RBFOX3: variants seen among roughly 807,000 people sequenced by gnomAD.
The protein encoded by RBFOX3 is RNA binding fox-1 homolog 3.
Under a neutral mutation model 48.7 loss-of-function variants are expected in RBFOX3, and 17 were observed. The observed-to-expected ratio is 0.35, with a 90% CI of 0.24 to 0.52. The LOEUF (loss-of-function observed/expected upper bound fraction) is 0.52. Ranked by LOEUF, RBFOX3 falls within the 20% of genes least tolerant of loss-of-function variation. The pLI is 0.94. For missense variants in RBFOX3, 382 were observed against 497.5 expected (o/e 0.77, Z 2.21); for synonymous variants, 212 against 209.5 (o/e 1.01, Z -0.10).
chr17:79,559,752 G>C (rs2092073842), intron 1 of RBFOX3, among the ~76,000 whole-genome samples: 1 of 148,434 alleles, frequency 6.7e-6, no homozygotes, highest in Non-Finnish European at 1.5e-5. Flanking sequence ...TGGGTAGATG[G>C]ATGGATGGGT....
intron 2 of RBFOX3, among the ~76,000 whole-genome samples, chr17:79,449,693 G>A (rs1329181985): frequency 6.8e-6 from 1 of 147,128 alleles, no homozygotes; most frequent in Non-Finnish European, 1.5e-5. Context: ...CATCTCTGCT[G>A]GTGGACGTTA....
At chr17:79,165,568 G>C (rs1264442461) in intron 4 of RBFOX3, among the ~76,000 whole-genome samples, 1 of 152,224 alleles carries the variant, frequency 6.6e-6, no homozygotes, top group Non-Finnish European at 1.5e-5. Flanking sequence ...GTGACGGGAT[G>C]AACTTTTAAA....
At chr17:79,388,937 C>T (rs1002126559) in intron 2 of RBFOX3, among the ~76,000 whole-genome samples, 2 of 152,242 alleles carry the variant, frequency 1.3e-5, no homozygotes, top group African/African-American at 4.8e-5. Context: ...GCCGCCAAGC[C>T]CTCCAATCCT....
intron 4 of RBFOX3, among the ~76,000 whole-genome samples, chr17:79,213,149 G>A (rs528486195): frequency 1.5e-3 from 221 of 152,278 alleles, no homozygotes; most frequent in African/African-American, 4.8e-3. Flanking sequence ...GAGCTACCAC[G>A]CCCAGCCTGG....
At chr17:79,525,051 G>C (rs1484462746) in intron 1 of RBFOX3, among the ~76,000 whole-genome samples, 1 of 152,174 alleles carries the variant, frequency 6.6e-6, no homozygotes, top group East Asian at 1.9e-4. Context: ...TGCCCTCAAG[G>C]GCTCTGGCAT....
intron 4 of RBFOX3, among the ~76,000 whole-genome samples, chr17:79,196,448 G>A (rs1442790653): frequency 1.3e-5 from 2 of 152,218 alleles, no homozygotes; most frequent in Admixed American, 6.5e-5. Context: ...ACCTCTCTCA[G>A]TATCGCATTC....
Position 79,415,091 on chromosome 17 carries a change from C to T in RBFOX3, c.-175+67363G>A, listed in dbSNP as rs572184959. Among the ~76,000 whole-genome samples, 12 of 152,274 alleles carry T rather than the reference C, an allele frequency of 7.9e-5. No individual in the cohort carries two copies. The East Asian group carries it at 9.7e-4, about 12-fold the overall frequency. ...GGGCCACCAGGCTGCAATTTCATCA[C>T]GGGGTTCTGAGTCTGGGGAGTTCAA... On this transcript the variant is annotated intron_variant, in intron 2 of 14. Transcript: ENST00000693108.
At chr17:79,202,879 C>T (rs566727557) in intron 4 of RBFOX3, among the ~76,000 whole-genome samples, 8 of 152,314 alleles carry the variant, frequency 5.3e-5, no homozygotes, top group East Asian at 3.9e-4. Context: ...CTTGGCTGGA[C>T]GGGGAGAGGA....
the RBFOX3 span, among the ~76,000 whole-genome samples, chr17:79,623,886 G>T: frequency 6.6e-6 from 1 of 151,482 alleles, no homozygotes; most frequent in African/African-American, 2.4e-5. Context: ...ATGTGATGAT[G>T]GAGGTGGGTC....
At chr17:79,386,150 T>C (rs544572560) in intron 2 of RBFOX3, among the ~76,000 whole-genome samples, 122 of 146,174 alleles carry the variant, frequency 8.3e-4, no homozygotes, top group Middle Eastern at 3.7e-3. Flanking sequence ...TCATCCTCCA[T>C]TGCAGACATG....
chr17:79,286,941 T>C (rs1303420194), intron 3 of RBFOX3, among the ~76,000 whole-genome samples: 1 of 152,166 alleles, frequency 6.6e-6, no homozygotes, highest in Non-Finnish European at 1.5e-5. Flanking sequence ...ATCCACCCTA[T>C]GTGCGTGTCA....
At chr17:79,135,686 C>A (rs2040026890) in intron 4 of RBFOX3, among the ~76,000 whole-genome samples, 1 of 152,208 alleles carries the variant, frequency 6.6e-6, no homozygotes. Context: ...CCTTGCCAAC[C>A]TTTCCCCAAA....
intron 2 of RBFOX3, among the ~76,000 whole-genome samples, chr17:79,366,621 G>A (rs554428518): frequency 3.3e-5 from 5 of 152,232 alleles, no homozygotes; most frequent in East Asian, 1.9e-4. Context: ...CCCTTCCATC[G>A]TGCACAGTCG....
intron 1 of RBFOX3, among the ~76,000 whole-genome samples, chr17:79,496,437 A>G (rs991825573): frequency 3.3e-5 from 5 of 152,166 alleles, no homozygotes; most frequent in African/African-American, 4.8e-5. Context: ...TCAGGGAAAT[A>G]ACTCAAAACC....
intron 1 of RBFOX3, among the ~76,000 whole-genome samples, chr17:79,536,733 G>GGT (rs1243207809): frequency 2.0e-5 from 3 of 152,254 alleles, no homozygotes; most frequent in South Asian, 2.1e-4. Context: ...CTGTTTGGCA[G>GGT]GTGTGTGTGT....
intron 1 of RBFOX3, among the ~76,000 whole-genome samples, chr17:79,545,952 G>A (rs1415022514): frequency 1.3e-5 from 2 of 152,182 alleles, no homozygotes; most frequent in East Asian, 1.9e-4. Flanking sequence ...GTGTGTGCAC[G>A]TGTGTGCGTG....
chr17:79,436,716 G>T (rs958722531), intron 2 of RBFOX3, among the ~76,000 whole-genome samples: 1 of 152,170 alleles, frequency 6.6e-6, no homozygotes, highest in Admixed American at 6.5e-5. Flanking sequence ...AAAGAAGAAA[G>T]CTCAGGACCT....
intron 3 of RBFOX3, among the ~76,000 whole-genome samples, chr17:79,251,857 A>G (rs1228015687): frequency 6.6e-6 from 1 of 152,064 alleles, no homozygotes; most frequent in Non-Finnish European, 1.5e-5. Flanking sequence ...CGGCTCCCCC[A>G]CCAGGGGTCT....
chr17:79,665,255 T>C, the RBFOX3 span, among the ~76,000 whole-genome samples: 4 of 152,186 alleles, frequency 2.6e-5, no homozygotes, highest in Non-Finnish European at 4.4e-5. Flanking sequence ...CCCCTTTTTA[T>C]CTCTCTTACT....
Sources: gnomAD v4.1 joint callset for allele counts (sites outside exome capture counted in the v4.1 genomes callset) on GRCh38, gnomAD v4.1.1 for gene constraint, MANE v1.5 for transcripts, NCBI Gene and HGNC (gene_info 2026-07-23, HGNC 2026-07-21) for gene names.